The following NSUN6 variants were observed in gnomAD, a reference collection of about 807,000 sequenced individuals.
NSUN6 encodes the protein tRNA (cytosine(72)-C(5))-methyltransferase NSUN6.
NSUN6 carries 64 observed loss-of-function variants against 58.0 expected under a neutral mutation model. The observed-to-expected ratio is 1.10, with a 90% CI of 0.90 to 1.36. The LOEUF is 1.36. Among genes scored for constraint, NSUN6 ranks in the 40% most tolerant of loss-of-function variants. The pLI, the probability that NSUN6 is intolerant of heterozygous loss-of-function variation, is 0.00. For synonymous variants in NSUN6, 231 were observed against 193.9 expected (o/e 1.19, Z -1.59); for missense variants, 701 against 550.1 (o/e 1.27, Z -2.74).
upstream of NSUN6, chr10:18,652,998 C>T: frequency 1.0e-6 from 1 of 985,132 alleles, no homozygotes; most frequent in Non-Finnish European, 1.2e-6. Flanking sequence ...TAGCATATTT[C>T]TTCAATAAAT....
chr10:18,624,674 C>T (rs1362734317), intron 3 of NSUN6, among the ~76,000 whole-genome samples: 4 of 132,966 alleles, frequency 3.0e-5, no homozygotes, highest in South Asian at 2.3e-4. Flanking sequence ...AGAACGAATG[C>T]GGAAGAAAAA....
At chr10:18,633,155 A>T (rs1264863860) in intron 3 of NSUN6, among the ~76,000 whole-genome samples, 17 of 151,928 alleles carry the variant, frequency 1.1e-4, no homozygotes, top group Admixed American at 1.1e-3. Context: ...CTATGGCAAG[A>T]ACAAAAAACC....
At chr10:18,625,578 T>C (rs575972577) in intron 3 of NSUN6, among the ~76,000 whole-genome samples, 1 of 151,814 alleles carries the variant, frequency 6.6e-6, no homozygotes, top group Non-Finnish European at 1.5e-5. Flanking sequence ...CCGGGTATGG[T>C]GGTGGGCACC....
At chr10:18,599,042 A>AT (rs1341605291) in intron 6 of NSUN6, among the ~76,000 whole-genome samples, 2 of 152,000 alleles carry the variant, frequency 1.3e-5, no homozygotes, top group Admixed American at 1.3e-4. Flanking sequence ...TAGCAGGCTT[A>AT]TTTTTTATTT....
intron 3 of NSUN6, among the ~76,000 whole-genome samples, chr10:18,627,470 G>T (rs1025280857): frequency 6.6e-6 from 1 of 152,158 alleles, no homozygotes; most frequent in African/African-American, 2.4e-5. Flanking sequence ...CGCAGAAGAC[G>T]GGTGATTTCT....
At chr10:18,560,860 T>G (rs2055445772) in intron 8 of NSUN6, among the ~76,000 whole-genome samples, 1 of 137,272 alleles carries the variant, frequency 7.3e-6, no homozygotes, top group Non-Finnish European at 1.6e-5. Flanking sequence ...GGTGCAGTGG[T>G]GAACAGAATG....
intron 8 of NSUN6, among the ~76,000 whole-genome samples, chr10:18,567,979 TTCCATTCCATTC>T (rs2056090155): frequency 6.6e-6 from 1 of 150,734 alleles, no homozygotes; most frequent in Admixed American, 6.6e-5. Flanking sequence ...CCATTCCCCA[TTCCATTCCATTC>T]TCCATTCCTT....
At chr10:18,576,803 C>T (rs1216538162) in intron 8 of NSUN6, among the ~76,000 whole-genome samples, 2 of 152,184 alleles carry the variant, frequency 1.3e-5, no homozygotes, top group Non-Finnish European at 2.9e-5. Context: ...TAGACCTTTA[C>T]TGGATACTCT....
intron 3 of NSUN6, among the ~76,000 whole-genome samples, chr10:18,639,783 A>C (rs2059337374): frequency 6.6e-6 from 1 of 152,230 alleles, no homozygotes; most frequent in Admixed American, 6.5e-5. Flanking sequence ...TAGAGACCTA[A>C]AATAGCCAGT....
At chr10:18,550,735 T>G in intron 9 of NSUN6, among the ~76,000 whole-genome samples, 1 of 151,848 alleles carries the variant, frequency 6.6e-6, no homozygotes, top group African/African-American at 2.4e-5. Flanking sequence ...TCTCTTTTTT[T>G]TTTTTTTTTG....
At chr10:18,554,159 G>GGAATGGAATGGAATCAA (rs1382462085) in intron 8 of NSUN6, among the ~76,000 whole-genome samples, 1 of 150,418 alleles carries the variant, frequency 6.6e-6, no homozygotes, top group African/African-American at 2.4e-5. Context: ...AAACGAATGC[G>GGAATGGAATGGAATCAA]GAATGGAATG....
rs146003622 is a variant in NSUN6 at position 18,551,937 on chromosome 10, T to A, written c.957A>T (p.Arg319=). 1.7e-4 allele frequency: 273 copies of A among 1,608,632 alleles called. No homozygotes were observed. Among genetic ancestry groups the A allele is most frequent in the Non-Finnish European group, 2.2e-4 (260 of 1,175,628 alleles). Reference sequence around the variant, plus strand: ...CACTACAGGGTGCATCCAGAAGAATTCGGTCAAAGGATTCTGGTAGAAATG... The same window carrying A: ...CACTACAGGGTGCATCCAGAAGAATACGGTCAAAGGATTCTGGTAGAAATG... ...EPPFLPESFD[R]ILLDAPCSGM... The change falls in exon 9 of 11, where the codon CGA becomes CGT. Residue 319 remains arginine, a synonymous_variant. Transcript: ENST00000377304.
intron 6 of NSUN6, among the ~76,000 whole-genome samples, chr10:18,600,184 G>A (rs2057749601): frequency 1.3e-5 from 2 of 151,504 alleles, no homozygotes; most frequent in Admixed American, 1.3e-4. Context: ...GGCTTGGGGG[G>A]ATAACAGTTT....
At chr10:18,598,462 G>C (rs1287507052) in intron 6 of NSUN6, among the ~76,000 whole-genome samples, 2 of 152,052 alleles carry the variant, frequency 1.3e-5, no homozygotes, top group South Asian at 2.1e-4. Flanking sequence ...TTTTATTTTT[G>C]AGACAGGATC....
chr10:18,602,109 G>A (rs2131264641), intron 6 of NSUN6, among the ~76,000 whole-genome samples: 1 of 152,004 alleles, frequency 6.6e-6, no homozygotes, highest in African/African-American at 2.4e-5. Context: ...TGTCACCCAG[G>A]CTGGAATGCA....
chr10:18,646,609 C>G (rs536949539), intron 2 of NSUN6, among the ~76,000 whole-genome samples: 5 of 152,130 alleles, frequency 3.3e-5, no homozygotes. Flanking sequence ...GTTTGGGAGG[C>G]CAAGGTGGGC....
In NSUN6 at chr10:18,546,004, T is replaced by A. The variant is rs2054231877; in HGVS notation, c.1339A>T (p.Met447Leu). The change falls in exon 11 of 11, where the codon ATG becomes TTG. Residue 447 changes from methionine to leucine, a missense_variant. Physicochemically the swap from Met to Leu is conservative, Grantham distance 15. Transcript: ENST00000377304. The stretch of plus-strand genomic sequence containing the variant: ...GAGTCCTTATTAGCCAGACGCAACA[T>A]GTCTTCTCTTCTGGCCTCTCTAAGA... ...DSLREARRED[M>L]LRLANKDSIG... 3 of 1,582,662 alleles carry A rather than the reference T, an allele frequency of 1.9e-6. No homozygotes were observed. The highest frequency in any genetic ancestry group is 2.6e-6 in the Non-Finnish European group (3 of 1,171,454).
chr10:18,626,440 G>A (rs541393754), intron 3 of NSUN6, among the ~76,000 whole-genome samples: 14 of 152,266 alleles, frequency 9.2e-5, no homozygotes, highest in South Asian at 4.1e-4. Flanking sequence ...TTTAACTCCA[G>A]TAATCTCCTC....
upstream of NSUN6, among the ~76,000 whole-genome samples, chr10:18,657,405 C>T (rs181246711): frequency 1.7e-3 from 256 of 152,052 alleles, 1 homozygote; most frequent in Admixed American, 5.1e-3. Context: ...TAAATTTTAA[C>T]GAACTGAAAA....
Sources: gnomAD v4.1 joint callset for allele counts (sites outside exome capture counted in the v4.1 genomes callset) on GRCh38, gnomAD v4.1.1 for gene constraint, MANE v1.5 for transcripts, NCBI Gene and HGNC (gene_info 2026-07-23, HGNC 2026-07-21) for gene names.